GALNT13: variants seen among roughly 807,000 people sequenced by gnomAD.
GALNT13 encodes polypeptide N-acetylgalactosaminyltransferase 13.
Under a neutral mutation model 64.2 loss-of-function variants are expected in GALNT13, and 28 were observed. That is an observed-to-expected ratio of 0.44 (90% CI 0.32 to 0.60). The LOEUF is 0.60. Ranked by LOEUF, GALNT13 falls within the 20% of genes least tolerant of loss-of-function variation. The pLI, the probability that GALNT13 is intolerant of heterozygous loss-of-function variation, is 0.05. For synonymous variants in GALNT13, 214 were observed against 224.6 expected (o/e 0.95, Z 0.42); for missense variants, 577 against 669.8 (o/e 0.86, Z 1.53).
intron 2 of GALNT13, among the ~76,000 whole-genome samples, chr2:153,902,163 G>A (rs567852992): frequency 6.6e-6 from 1 of 152,068 alleles, no homozygotes; most frequent in Non-Finnish European, 1.5e-5. Flanking sequence ...CATTTTATCT[G>A]GGGACATTTT....
chr2:153,783,844 G>A, the GALNT13 span, among the ~76,000 whole-genome samples: 1 of 152,092 alleles, frequency 6.6e-6, no homozygotes, highest in Admixed American at 6.6e-5. Context: ...ATGCTTGTAA[G>A]TTTCCTAAAG....
At chr2:154,388,154 T>A (rs908407032) in intron 9 of GALNT13, among the ~76,000 whole-genome samples, 1 of 152,220 alleles carries the variant, frequency 6.6e-6, no homozygotes, top group Non-Finnish European at 1.5e-5. Flanking sequence ...TAATTTGCAC[T>A]TTCCTAATGA....
chr2:153,475,794 C>A, the GALNT13 span, among the ~76,000 whole-genome samples: 3 of 152,112 alleles, frequency 2.0e-5, no homozygotes, highest in Non-Finnish European at 4.4e-5. Flanking sequence ...GAAGAAGGGA[C>A]CCTCAGAGGA....
chr2:154,002,038 A>G (rs1695945450), intron 3 of GALNT13, among the ~76,000 whole-genome samples: 2 of 152,020 alleles, frequency 1.3e-5, no homozygotes, highest in South Asian at 2.1e-4. Flanking sequence ...AATCTGCTGG[A>G]AGCTCTATTG....
chr2:153,343,944 C>A, the GALNT13 span, among the ~76,000 whole-genome samples: 177 of 152,190 alleles, frequency 1.2e-3, no homozygotes, highest in African/African-American at 4.2e-3. Context: ...CTCTATCCAA[C>A]CTTTTTCACT....
intron 3 of GALNT13, among the ~76,000 whole-genome samples, chr2:154,096,154 G>GTC (rs1443723561): frequency 6.6e-6 from 1 of 152,086 alleles, no homozygotes; most frequent in East Asian, 1.9e-4. Flanking sequence ...TGAATTTGAA[G>GTC]TCTTCCAGTG....
the GALNT13 span, among the ~76,000 whole-genome samples, chr2:153,839,728 AT>A: frequency 2.0e-5 from 3 of 151,622 alleles, no homozygotes; most frequent in South Asian, 2.1e-4. Context: ...ATACATTTGT[AT>A]TTTTTTTAAT....
At chr2:154,399,437 G>A (rs1041094092) in intron 10 of GALNT13, among the ~76,000 whole-genome samples, 2 of 152,092 alleles carry the variant, frequency 1.3e-5, no homozygotes, top group African/African-American at 4.8e-5. Context: ...AGGATGGCAT[G>A]TTGTCACTAA....
the GALNT13 span, among the ~76,000 whole-genome samples, chr2:153,631,123 C>T: frequency 2.6e-5 from 4 of 151,986 alleles, no homozygotes; most frequent in South Asian, 8.3e-4. Context: ...ATCCATGTCC[C>T]TACAAAGGAC....
At chr2:153,392,906 G>T in the GALNT13 span, among the ~76,000 whole-genome samples, 9 of 151,960 alleles carry the variant, frequency 5.9e-5, no homozygotes, top group Non-Finnish European at 1.2e-4. Flanking sequence ...TATAAAAGAG[G>T]TCCAAGGGAG....
At chr2:153,997,450 C>T (rs1695594480) in intron 3 of GALNT13, among the ~76,000 whole-genome samples, 1 of 151,792 alleles carries the variant, frequency 6.6e-6, no homozygotes, top group Non-Finnish European at 1.5e-5. Context: ...AATGGGGTAA[C>T]TTTCTTGATT....
chr2:153,912,483 GC>G (rs1253202331), intron 2 of GALNT13, among the ~76,000 whole-genome samples: 1 of 152,030 alleles, frequency 6.6e-6, no homozygotes, highest in African/African-American at 2.4e-5. Flanking sequence ...AGACACTCTT[GC>G]TTTTTTTGAG....
At chr2:153,422,880 G>T in the GALNT13 span, among the ~76,000 whole-genome samples, 1 of 151,736 alleles carries the variant, frequency 6.6e-6, no homozygotes, top group African/African-American at 2.4e-5. Flanking sequence ...AACCAACAAT[G>T]ACTGAAACAA....
At chr2:153,100,597 A>G in the GALNT13 span, among the ~76,000 whole-genome samples, 2 of 152,216 alleles carry the variant, frequency 1.3e-5, no homozygotes, top group African/African-American at 4.8e-5. Flanking sequence ...TCCATGGGAA[A>G]TAAGAGTCTC....
At chr2:154,139,709 G>A (rs1359906764) in intron 3 of GALNT13, among the ~76,000 whole-genome samples, 4 of 151,796 alleles carry the variant, frequency 2.6e-5, no homozygotes, top group South Asian at 4.1e-4. Context: ...GATAACTTGG[G>A]AGAAGTGGCG....
chr2:154,010,881 A>G (rs1696586813), intron 3 of GALNT13, among the ~76,000 whole-genome samples: 1 of 151,926 alleles, frequency 6.6e-6, no homozygotes, highest in African/African-American at 2.4e-5. Context: ...CTATAGAAGT[A>G]TTCATAATAG....
At chr2:154,412,049 ATGT>A (rs1411408791) in intron 11 of GALNT13, among the ~76,000 whole-genome samples, 2 of 151,708 alleles carry the variant, frequency 1.3e-5, no homozygotes, top group African/African-American at 2.4e-5. Flanking sequence ...ATTTCTATTG[ATGT>A]TGTTAATTCT....
the GALNT13 span, among the ~76,000 whole-genome samples, chr2:153,335,689 A>C: frequency 1.3e-5 from 2 of 152,314 alleles, no homozygotes; most frequent in Non-Finnish European, 2.9e-5. Flanking sequence ...CTGACTATGC[A>C]ATAGAGAAGA....
intron 1 of GALNT13, among the ~76,000 whole-genome samples, chr2:153,899,718 C>T (rs1198092493): frequency 2.0e-5 from 3 of 152,016 alleles, no homozygotes; most frequent in East Asian, 1.9e-4. Flanking sequence ...CACAAAAGCA[C>T]AACCTCTGTA....
Sources: allele counts gnomAD v4.1 joint callset (sites outside exome capture counted in the v4.1 genomes callset), GRCh38; gene constraint gnomAD v4.1.1; transcripts MANE v1.5; gene names NCBI Gene and HGNC (gene_info 2026-07-23, HGNC 2026-07-21).